GLB1: variants seen among roughly 807,000 people sequenced by gnomAD.
GLB1 encodes the protein beta-galactosidase.
In GLB1, 56 loss-of-function variants were observed where a neutral mutation model predicts 74.0. The observed-to-expected ratio is 0.76, with a 90% CI of 0.61 to 0.94. The LOEUF is 0.94. Among genes scored for constraint, GLB1 ranks in the 40% least tolerant of loss-of-function variants. The probability of loss-of-function intolerance (pLI) is 0.00; values close to 1 mark genes in which losing one functional copy is unlikely to be tolerated. For missense variants in GLB1, 787 were observed against 845.5 expected, an observed-to-expected ratio of 0.93 and a Z score of 0.86; for synonymous variants, 323 against 323.6, an observed-to-expected ratio of 1.00 and a Z score of 0.02.
intron 2 of GLB1, 143 bp from the exon 3 acceptor site, chr3:33,069,113 G>C (rs1456382015): frequency 3.5e-6 from 5 of 1,409,776 alleles, no homozygotes; most frequent in African/African-American, 2.8e-5. Context: ...TCCAAGGCTG[G>C]GCACAGTGGC....
At chr3:33,049,590 G>GT (rs1698892766) in intron 9 of GLB1, among the ~76,000 whole-genome samples, 1 of 151,992 alleles carries the variant, frequency 6.6e-6, no homozygotes, top group African/African-American at 2.4e-5. Context: ...CTAATTTTTT[G>GT]TATCTTTAGT....
the GLB1 span, among the ~76,000 whole-genome samples, chr3:32,965,186 G>A: frequency 2.0e-5 from 3 of 152,294 alleles, no homozygotes; most frequent in East Asian, 1.9e-4. Flanking sequence ...ATGTGGAAGC[G>A]ACTTTGGAAC....
intron 10 of GLB1, among the ~76,000 whole-genome samples, chr3:33,024,976 G>A (rs1295512100): frequency 2.7e-5 from 4 of 150,724 alleles, no homozygotes; most frequent in Admixed American, 1.3e-4. Flanking sequence ...ACGAAGTCTC[G>A]GTCTTGTTGC....
chr3:33,089,409 T>C (rs1049633222), intron 1 of GLB1, among the ~76,000 whole-genome samples: 2 of 152,172 alleles, frequency 1.3e-5, no homozygotes, highest in African/African-American at 4.8e-5. Context: ...AAAGAACTCC[T>C]ACATCTCCAC....
intron 1 of GLB1, chr3:33,091,107 A>T (rs1700740166): frequency 3.0e-6 from 3 of 985,452 alleles, no homozygotes; most frequent in Non-Finnish European, 3.6e-6. Context: ...CCAAAGCGAG[A>T]ACTTAAAGGG....
At chr3:33,081,442 T>C (rs538769750) in intron 1 of GLB1, among the ~76,000 whole-genome samples, 1 of 152,162 alleles carries the variant, frequency 6.6e-6, no homozygotes, top group Admixed American at 6.5e-5. Context: ...CAGGACTGCC[T>C]TGGCATCCTG....
At chr3:33,016,389 C>A (rs1303172768) in intron 14 of GLB1, among the ~76,000 whole-genome samples, 1 of 152,204 alleles carries the variant, frequency 6.6e-6, no homozygotes, top group African/African-American at 2.4e-5. Flanking sequence ...CAAGGTCTCA[C>A]TTTGTCACCC....
chr3:33,074,381 G>A (rs139067425), intron 1 of GLB1, among the ~76,000 whole-genome samples: 3,035 of 9,176 alleles, frequency 0.33, 767 homozygotes, highest in Middle Eastern at 0.57. Flanking sequence ...AGGAAGGAAG[G>A]AAGGAAGGAA....
At chr3:33,038,347 G>A (rs1698371352) in intron 10 of GLB1, among the ~76,000 whole-genome samples, 1 of 152,238 alleles carries the variant, frequency 6.6e-6, no homozygotes, top group South Asian at 2.1e-4. Flanking sequence ...TGCTCTGAAG[G>A]TTAACACCTT....
At chr3:33,092,511 A>AG (rs895589840) in intron 1 of GLB1, 6 of 1,102,440 alleles carry the variant, frequency 5.4e-6, no homozygotes, top group Non-Finnish European at 6.6e-6. Flanking sequence ...AGCAACCCCG[A>AG]GGGGAGGTTC....
rs1378338444 is a variant in GLB1, at chr3:33,051,978, C to T, written c.819G>A (p.Trp273Ter). 2 of 1,614,188 alleles carry T rather than the reference C, an allele frequency of 1.2e-6. No individual in the cohort carries two copies. The highest frequency in any genetic ancestry group is 1.7e-5 in the Admixed American group (1 of 60,026). The change falls in exon 8 of 16, where the codon TGG becomes TGA. Residue 273 changes from tryptophan (W) to a stop codon, truncating the protein, a stop_gained. Transcript: ENST00000307363. LOFTEE classifies it high-confidence loss of function. Reference protein sequence around the residue: ...PLINSEFYTGWLDHWGQPHST... With the variant: ...PLINSEFYTG ...AGTGAGGTTGGCCCCAGTGATCTAG[C>T]CAGCCAGTATAGAATTCAGAATTGA...
In GLB1 at chr3:33,068,891, G is replaced by T; in HGVS notation, c.325C>A (p.Arg109=). The change falls in exon 3 of 16, where the codon CGG becomes AGG. Residue 109 remains arginine (R), a synonymous_variant. Coordinates refer to ENST00000307363, the MANE Select transcript of GLB1 (RefSeq NM_000404.4). ...AGCAGTCCCAGCTCATGAGCCAGCC[G>T]AAGAAAATATTCCACATCATGGTCC... ...SEDHDVEYFL[R]LAHELGLLVI... The T allele has an allele frequency of 1.9e-6, 3 of 1,614,114 alleles. No individual in the cohort carries two copies. Among genetic ancestry groups the T allele is most frequent in the Non-Finnish European group, 2.5e-6 (3 of 1,180,022 alleles).
intron 1 of GLB1, among the ~76,000 whole-genome samples, chr3:33,088,392 C>G (rs1700616714): frequency 6.6e-6 from 1 of 151,622 alleles, no homozygotes; most frequent in South Asian, 2.1e-4. Context: ...CACACACACA[C>G]ACACACACAC....
intron 4 of GLB1, among the ~76,000 whole-genome samples, chr3:33,066,804 A>G (rs1475612192): frequency 1.3e-5 from 2 of 152,228 alleles, no homozygotes; most frequent in African/African-American, 4.8e-5. Context: ...TAAAGTTGGC[A>G]TAAAGATTAA....
intron 6 of GLB1, among the ~76,000 whole-genome samples, 160 bp downstream of exon 6, chr3:33,057,929 T>C (rs1699285547): frequency 6.6e-6 from 1 of 152,198 alleles, no homozygotes; most frequent in Non-Finnish European, 1.5e-5. Context: ...AACCCTCTGT[T>C]ACTGAGGGGT....
chr3:33,036,452 GA>G (rs1698280811), intron 10 of GLB1, among the ~76,000 whole-genome samples: 1 of 152,096 alleles, frequency 6.6e-6, no homozygotes, highest in Non-Finnish European at 1.5e-5. Context: ...TCCACATTAG[GA>G]AAGTTCACTA....
intron 6 of GLB1, among the ~76,000 whole-genome samples, chr3:33,055,460 CTTTTTT>C (rs55687940): frequency 6.5e-4 from 66 of 102,276 alleles, no homozygotes; most frequent in Non-Finnish European, 9.0e-4. Context: ...GTTTTCTTTT[CTTTTTT>C]TTTTTTTTTT....
chr3:33,062,565 G>A (rs188480789), intron 5 of GLB1, among the ~76,000 whole-genome samples: 87 of 152,236 alleles, frequency 5.7e-4, no homozygotes, highest in Admixed American at 1.8e-3. Context: ...TGAGGTGGGC[G>A]GATCATGAGG....
At position 33,093,083 on chromosome 3, in the gene GLB1, G is replaced by A. The variant is rs755023362; in HGVS notation, c.75+3928C>T. 31 of 1,614,100 alleles carry A rather than the reference G, an allele frequency of 1.9e-5. No homozygotes were observed. Among genetic ancestry groups the A allele is most frequent in the Admixed American group, 5.0e-5 (3 of 60,010 alleles). ...CCTGGAGAGCTCTCTTGGCAGCCAG[G>A]GGCTGGTGAGCTAGCAAGATGATTG... On this transcript the variant is annotated intron_variant, in intron 1 of 15. Coordinates refer to ENST00000307363, the MANE Select transcript of GLB1 (RefSeq NM_000404.4). The surrounding 1 kb of genome is among the most constrained non-coding windows in gnomAD (Gnocchi z 6.0).
Sources: gnomAD v4.1 joint callset for allele counts (sites outside exome capture counted in the v4.1 genomes callset) on GRCh38, gnomAD v4.1.1 for gene constraint, Gnocchi (gnomAD v3.1) non-coding constraint, MANE v1.5 for transcripts, NCBI Gene and HGNC (gene_info 2026-07-23, HGNC 2026-07-21) for gene names.